ITSN2: variants seen among roughly 807,000 people sequenced by gnomAD.
ITSN2 encodes intersectin 2, also known as intersectin-2.
Under a neutral mutation model 243.7 loss-of-function variants are expected in ITSN2, and 156 were observed. The ratio of observed to expected loss-of-function variants is 0.64; its 90% CI spans 0.56 to 0.73. ITSN2 has a LOEUF of 0.73. ITSN2 is among the 30% of genes least tolerant of loss of function. ITSN2 has a pLI of 0.00. For synonymous variants in ITSN2, 703 were observed against 699.9 expected (o/e 1.00, Z -0.07); for missense variants, 1,801 against 1,996.1 (o/e 0.90, Z 1.86).
Position 24,300,036 on chromosome 2 carries a change from C to T in ITSN2, c.1217G>A (p.Arg406Gln), listed in dbSNP as rs1422527003. 7 of 1,614,144 alleles carry T rather than the reference C, an allele frequency of 4.3e-6. No homozygotes were observed. Among genetic ancestry groups the T allele is most frequent in the East Asian group, 4.5e-5 (2 of 44,874 alleles). ...TTGTTCTTGTAATTCTCTCTGTTTT[C>T]GTTCCCACTCTTCCTTTTCTTTCTG... is the stretch of plus-strand genomic sequence containing the variant. ...KAQKEKEEWE[R>Q]KQRELQEQEW... Residue 406 changes from arginine to glutamine, a missense_variant, in exon 12 of 40, where the codon CGA (arginine) becomes CAA (glutamine). Arg to Gln is a conservative substitution (Grantham distance 43). Transcript: ENST00000355123.
At chr2:24,300,399 A>G (rs1300641105) in intron 11 of ITSN2, among the ~76,000 whole-genome samples, 1 of 152,242 alleles carries the variant, frequency 6.6e-6, no homozygotes, top group African/African-American at 2.4e-5. Flanking sequence ...CAAGAGAGAA[A>G]TAATTTTTAT....
At chr2:24,278,645 CTTTTTTTTTTTT>C (rs908928502) in intron 17 of ITSN2, among the ~76,000 whole-genome samples, 3 of 103,008 alleles carry the variant, frequency 2.9e-5, no homozygotes, top group Admixed American at 2.1e-4. Context: ...TGTTCTCAAT[CTTTTTTTTTTTT>C]TTTTTTTTTT....
At chr2:24,212,108 C>T (rs1419995953) in intron 33 of ITSN2, among the ~76,000 whole-genome samples, 1 of 152,090 alleles carries the variant, frequency 6.6e-6, no homozygotes, top group Non-Finnish European at 1.5e-5. Flanking sequence ...TCAAGAGGGC[C>T]CTATTGCTTA....
chr2:24,299,703 T>C (rs535330869), intron 12 of ITSN2, among the ~76,000 whole-genome samples: 1 of 152,176 alleles, frequency 6.6e-6, no homozygotes, highest in East Asian at 1.9e-4. Context: ...CTCTACCACG[T>C]ACCAGTTCTG....
Position 24,217,969 on chromosome 2 carries a change from C to G in ITSN2, c.3744G>C (p.Gly1248=), listed in dbSNP as rs1489606744. 6.2e-7 allele frequency: 1 copy of G among 1,613,954 alleles called. No homozygotes were observed. Among genetic ancestry groups the G allele is most frequent in the Non-Finnish European group, 8.5e-7 (1 of 1,179,972 alleles). Residue 1248 remains glycine (G), a synonymous_variant, in exon 31 of 40, where the codon GGG becomes GGC. Transcript: ENST00000355123. The part of the protein sequence containing the change: ...RMAESGFLTE[G]EMALIFVNWK... ...AGTTAACAAAAATCAGGGCCATCTC[C>G]CCTTCAGTGAGAAAGCCTGACTCTG... is the stretch of plus-strand genomic sequence containing the variant.
chr2:24,227,728 C>T (rs1671182711), intron 29 of ITSN2, among the ~76,000 whole-genome samples: 1 of 152,058 alleles, frequency 6.6e-6, no homozygotes, highest in African/African-American at 2.4e-5. Flanking sequence ...CAAGACCAGC[C>T]TGGCCAACAG....
intron 20 of ITSN2, among the ~76,000 whole-genome samples, chr2:24,268,757 TAAAAAA>T (rs34246892): frequency 2.1e-5 from 3 of 142,898 alleles, no homozygotes; most frequent in African/African-American, 7.7e-5. Flanking sequence ...CAGCCAACTT[TAAAAAA>T]AAAAAAAACT....
At position 24,310,621 on chromosome 2, in the gene ITSN2, A is replaced by G. The variant is rs1288553685; in HGVS notation, c.424T>C (p.Ser142Pro). ...GGAAGGTTGGTCCCTGAAGTCGCAG[A>G]AGACAATGATGTTATAGGTGCAGCT... Reference protein sequence around the residue: ...PPAAPITSLSSATSGTNLPPL... With the variant: ...PPAAPITSLSPATSGTNLPPL... The change falls in exon 6 of 40, where the codon TCT becomes CCT. Residue 142 changes from serine (S) to proline (P), a missense_variant. Ser to Pro is a moderately conservative substitution (Grantham distance 74). Around this residue, in one of 5 missense-constraint regions of ITSN2, gnomAD observed 787 missense variants for 803.9 expected, o/e 0.98. Coordinates refer to ENST00000355123, the MANE Select transcript of ITSN2 (RefSeq NM_006277.3). 1.9e-6 allele frequency: 3 copies of G among 1,614,082 alleles called. No individual in the cohort carries two copies. Among genetic ancestry groups the G allele is most frequent in the Non-Finnish European group, 2.5e-6 (3 of 1,180,032 alleles).
intron 31 of ITSN2, among the ~76,000 whole-genome samples, chr2:24,217,631 G>C (rs1384245829): frequency 6.6e-6 from 1 of 152,144 alleles, no homozygotes. Flanking sequence ...CCAGGGTCAA[G>C]GACATCTTAT....
At chr2:24,218,948 C>A (rs1318408923) in intron 30 of ITSN2, among the ~76,000 whole-genome samples, 1 of 152,210 alleles carries the variant, frequency 6.6e-6, no homozygotes, top group Non-Finnish European at 1.5e-5. Context: ...TGATAAGACA[C>A]AGACTCCTCC....
chr2:24,203,625 C>T lies in ITSN2; in HGVS notation c.*1G>A, dbSNP rs527596303. 1 of 1,613,262 alleles carries T rather than the reference C, an allele frequency of 6.2e-7. No homozygotes were observed. The highest frequency in any genetic ancestry group is 1.3e-5 in the African/African-American group (1 of 75,016). On this transcript the variant is annotated 3_prime_UTR_variant, in exon 40 of 40. Coordinates refer to ENST00000355123, the MANE Select transcript of ITSN2 (RefSeq NM_006277.3). ...CCCGCTGGTGCTGTCCTTTAGAACC[C>T]CTACAGGAGAGTTTTTTGCTCAAAA...
At chr2:24,306,018 C>A (rs1442216662) in intron 8 of ITSN2, among the ~76,000 whole-genome samples, 1 of 152,160 alleles carries the variant, frequency 6.6e-6, no homozygotes, top group Non-Finnish European at 1.5e-5. Context: ...CTAGTTCTGT[C>A]ACCCAGGCTG....
At chr2:24,258,943 A>G (rs1189004331) in intron 22 of ITSN2, among the ~76,000 whole-genome samples, 1 of 152,160 alleles carries the variant, frequency 6.6e-6, no homozygotes, top group East Asian at 1.9e-4. Context: ...TCTTTTGTCC[A>G]ACCCTTTTCC....
intron 33 of ITSN2, 109 bp downstream of exon 33, chr2:24,212,541 G>A (rs1669591491): frequency 1.3e-6 from 1 of 766,920 alleles, no homozygotes; most frequent in Non-Finnish European, 2.2e-6. Context: ...GTGTCACACT[G>A]TGTGCAGGGT....
intron 13 of ITSN2, 143 bp from the exon 14 acceptor site, chr2:24,295,947 G>T: frequency 1.7e-6 from 1 of 574,546 alleles, no homozygotes; most frequent in Non-Finnish European, 2.8e-6. Context: ...AAACCAAGTG[G>T]AATGTGTTTC....
intron 1 of ITSN2, 111 bp downstream of exon 1, chr2:24,360,193 C>G (rs1297369935): frequency 6.6e-6 from 1 of 152,356 alleles, no homozygotes; most frequent in Admixed American, 6.5e-5. Context: ...CCGTCCCCAT[C>G]GTGCGGAGCG....
At chr2:24,251,861 G>A (rs910362563) in intron 25 of ITSN2, among the ~76,000 whole-genome samples, 5 of 151,948 alleles carry the variant, frequency 3.3e-5, no homozygotes, top group African/African-American at 1.2e-4. Context: ...AAAAGCCTAT[G>A]GGGTTCCTCA....
intron 18 of ITSN2, among the ~76,000 whole-genome samples, chr2:24,274,507 G>A (rs762688326): frequency 4.9e-4 from 75 of 152,098 alleles, no homozygotes; most frequent in Non-Finnish European, 6.0e-4. Context: ...CCGGGAGGTC[G>A]AGGCTGCAGT....
chr2:24,252,613 A>C (rs1674492097), intron 24 of ITSN2, 102 bp from the exon 25 acceptor site: 1 of 724,154 alleles, frequency 1.4e-6, no homozygotes. Context: ...GTTTGCTGTA[A>C]AAGACCTTGT....
Sources: allele counts gnomAD v4.1 joint callset (sites outside exome capture counted in the v4.1 genomes callset), GRCh38; gene constraint gnomAD v4.1.1; regional missense constraint gnomAD v4.1.1; transcripts MANE v1.5; gene names NCBI Gene and HGNC (gene_info 2026-07-23, HGNC 2026-07-21).